ZMYND8: variants seen among roughly 807,000 people sequenced by gnomAD.
ZMYND8 encodes the protein MYND-type zinc finger-containing chromatin reader ZMYND8.
ZMYND8 carries 37 observed loss-of-function variants against 140.8 expected under a neutral mutation model. That is an observed-to-expected ratio of 0.26 (90% CI 0.20 to 0.35). ZMYND8 has a LOEUF of 0.35. ZMYND8 is among the 10% of genes least tolerant of loss of function. The pLI is 1.00. For synonymous variants in ZMYND8, 592 were observed against 597.1 expected, an observed-to-expected ratio of 0.99 and a Z score of 0.12; for missense variants, 1,068 against 1,570.0, an observed-to-expected ratio of 0.68 and a Z score of 5.40.
Position 47,300,041 on chromosome 20 carries a change from G to A in ZMYND8, c.235-1094C>T, listed in dbSNP as rs898880484. On this transcript the variant is annotated intron_variant, in intron 3 of 22. Coordinates refer to ENST00000471951, the MANE Select transcript of ZMYND8 (RefSeq NM_001281775.3). ...GCAATGGCAGAAAGATGAGATGGGT[G>A]GCCAACTCATGGGAGGTCGACCTCT... Among the ~76,000 whole-genome samples, 6 of 152,212 alleles carry A rather than the reference G, an allele frequency of 3.9e-5. No individual in the cohort carries two copies. In the East Asian group the frequency reaches 1.2e-3, roughly 29 times the overall value.
At chr20:47,315,398 T>TG in intron 2 of ZMYND8, among the ~76,000 whole-genome samples, 1 of 152,064 alleles carries the variant, frequency 6.6e-6, no homozygotes, top group Admixed American at 6.6e-5. Context: ...ATTTGATAGG[T>TG]TCCAAACAAC....
At position 47,242,293 on chromosome 20, in the gene ZMYND8, T is replaced by C. The variant is rs115004691; in HGVS notation, c.2285-3155A>G. On this transcript the variant is annotated intron_variant, in intron 14 of 22. Transcript: ENST00000471951. ...TGGTTATCGAGATGTTGCTGGCCCT[T>C]GTACTTCCCCAGAGAGGAGAATCCA... Among the ~76,000 whole-genome samples the C allele has an allele frequency of 5.2e-3, 792 of 152,264 alleles. 10 individuals carry two copies. The highest frequency in any genetic ancestry group is 0.018 in the African/African-American group (756 of 41,568).
At chr20:47,351,930 A>G (rs2082815856) in intron 1 of ZMYND8, 1 of 985,322 alleles carries the variant, frequency 1.0e-6, no homozygotes, top group Non-Finnish European at 1.2e-6. Flanking sequence ...CAACGTTTAG[A>G]AGCTTAAAAA....
intron 1 of ZMYND8, chr20:47,353,036 T>TCCCAGGCTGAC (rs985861184): frequency 6.6e-6 from 1 of 152,224 alleles, no homozygotes; most frequent in Non-Finnish European, 1.5e-5. Context: ...GATTGAGGGT[T>TCCCAGGCTGAC]CCCAGGCTGA....
chr20:47,254,814 C>T (rs1019177546), intron 12 of ZMYND8, among the ~76,000 whole-genome samples: 1 of 152,124 alleles, frequency 6.6e-6, no homozygotes, highest in African/African-American at 2.4e-5. Context: ...TTAGCACCTA[C>T]ACACCAGTTG....
intron 11 of ZMYND8, among the ~76,000 whole-genome samples, chr20:47,275,756 C>T (rs1035244510): frequency 6.6e-6 from 1 of 152,000 alleles, no homozygotes; most frequent in Non-Finnish European, 1.5e-5. Context: ...TATAGACACA[C>T]GCCACCACGA....
At chr20:47,255,588 G>A (rs1004356543) in intron 12 of ZMYND8, among the ~76,000 whole-genome samples, 2,253 of 45,036 alleles carry the variant, frequency 0.05, 40 homozygotes, top group African/African-American at 0.08. Context: ...GTGTGTGTGT[G>A]TGTGTGTATA....
At chr20:47,326,439 TA>T (rs1368707430) in intron 2 of ZMYND8, among the ~76,000 whole-genome samples, 1 of 152,154 alleles carries the variant, frequency 6.6e-6, no homozygotes, top group African/African-American at 2.4e-5. Context: ...GTTTCAGAAT[TA>T]TTTAGCAGTT....
chr20:47,292,237 T>C (rs1461817014), intron 5 of ZMYND8, among the ~76,000 whole-genome samples: 1 of 152,242 alleles, frequency 6.6e-6, no homozygotes, highest in African/African-American at 2.4e-5. Flanking sequence ...TGATTTGACG[T>C]TCAACGATTT....
chr20:47,252,279 A>G, intron 12 of ZMYND8, among the ~76,000 whole-genome samples: 1 of 130,186 alleles, frequency 7.7e-6, no homozygotes, highest in African/African-American at 3.1e-5. Flanking sequence ...GCGACAGAGC[A>G]AGACTCTGTC....
intron 2 of ZMYND8, among the ~76,000 whole-genome samples, chr20:47,334,971 A>G (rs1428175010): frequency 6.6e-6 from 1 of 151,104 alleles, no homozygotes; most frequent in Non-Finnish European, 1.5e-5. Context: ...TGGGCCCAGG[A>G]GTGGTGGCTC....
intron 12 of ZMYND8, among the ~76,000 whole-genome samples, chr20:47,250,481 C>G (rs1385376693): frequency 6.6e-6 from 1 of 152,218 alleles, no homozygotes; most frequent in Non-Finnish European, 1.5e-5. Flanking sequence ...AATCAACCCA[C>G]AAAGAGGAGA....
At chr20:47,313,697 C>T (rs991718652) in intron 2 of ZMYND8, among the ~76,000 whole-genome samples, 6 of 151,390 alleles carry the variant, frequency 4.0e-5, no homozygotes, top group South Asian at 2.1e-4. Context: ...TTTGGGAGGC[C>T]GAGGCAAGCG....
Position 47,209,643 on chromosome 20 carries a change from T to C in ZMYND8, c.*1118A>G, listed in dbSNP as rs1335611877. ...AACGTACTGGAATGATATCGTACAA[T>C]TAATTTTCTCATATACATACATCAC... On this transcript the variant is annotated 3_prime_UTR_variant, in exon 23 of 23. Coordinates refer to ENST00000471951, the MANE Select transcript of ZMYND8 (RefSeq NM_001281775.3). 1 of 152,598 alleles carries C rather than the reference T, an allele frequency of 6.6e-6. No homozygotes were observed. The highest frequency in any genetic ancestry group is 1.9e-4 in the East Asian group (1 of 5,190). The allele number at this position is 152,598 out of a possible 1,614,324, so 9.5% of individuals were successfully genotyped here.
chr20:47,285,837 G>A, intron 8 of ZMYND8: 1 of 983,386 alleles, frequency 1.0e-6, no homozygotes, highest in Non-Finnish European at 1.2e-6. Flanking sequence ...CTAGGAAACA[G>A]AGAAAATACA....
chr20:47,244,975 T>C (rs1018403561), intron 14 of ZMYND8, among the ~76,000 whole-genome samples: 1 of 152,086 alleles, frequency 6.6e-6, no homozygotes, highest in African/African-American at 2.4e-5. Context: ...GAGAATCACT[T>C]GAACCCGGGA....
In ZMYND8 at chr20:47,209,644, T is replaced by C. The variant is rs1029046573; in HGVS notation, c.*1117A>G. On this transcript the variant is annotated 3_prime_UTR_variant, in exon 23 of 23. Transcript: ENST00000471951. ...ACGTACTGGAATGATATCGTACAAT[T>C]AATTTTCTCATATACATACATCACC... The C allele has an allele frequency of 1.3e-5, 2 of 152,628 alleles. No individual in the cohort carries two copies. Among genetic ancestry groups the C allele is most frequent in the Non-Finnish European group, 2.9e-5 (2 of 68,036 alleles). 9.5% of individuals were successfully genotyped at this position (152,628 alleles called of 1,614,324 possible).
intron 13 of ZMYND8, among the ~76,000 whole-genome samples, chr20:47,247,714 C>G (rs2040738968): frequency 6.6e-6 from 1 of 152,180 alleles, no homozygotes. Flanking sequence ...CTTGTATACA[C>G]CAAAAAGAAA....
At chr20:47,280,602 T>A (rs189248429) in intron 10 of ZMYND8, among the ~76,000 whole-genome samples, 58 of 151,218 alleles carry the variant, frequency 3.8e-4, no homozygotes, top group African/African-American at 1.3e-3. Flanking sequence ...TGCAAGGGGG[T>A]AGGTATTATT....
Sources: allele counts gnomAD v4.1 joint callset (sites outside exome capture counted in the v4.1 genomes callset), GRCh38; gene constraint gnomAD v4.1.1; transcripts MANE v1.5; gene names NCBI Gene and HGNC (gene_info 2026-07-23, HGNC 2026-07-21).